Variants in ROBO1 observed in about 807,000 individuals in gnomAD.
The protein encoded by ROBO1 is roundabout guidance receptor 1.
ROBO1 carries 149 observed loss-of-function variants against 195.9 expected under a neutral mutation model. The observed-to-expected ratio is 0.76, with a 90% confidence interval of 0.67 to 0.87. The LOEUF (loss-of-function observed/expected upper bound fraction) is 0.87, where lower values mean the gene tolerates loss of function less well. ROBO1 is among the 40% of genes least tolerant of loss of function. The probability of loss-of-function intolerance (pLI) is 0.00; values close to 1 mark genes in which losing one functional copy is unlikely to be tolerated. For synonymous variants in ROBO1, 816 were observed against 733.2 expected, an observed-to-expected ratio of 1.11 and a Z score of -1.82; for missense variants, 1,933 against 2,068.3, an observed-to-expected ratio of 0.93 and a Z score of 1.27.
intron 3 of ROBO1, among the ~76,000 whole-genome samples, chr3:79,007,238 G>C (rs1429148282): frequency 2.0e-5 from 3 of 152,274 alleles, no homozygotes; most frequent in Non-Finnish European, 4.4e-5. Context: ...AGCTTTGGAG[G>C]ATAAAACCAA....
chr3:79,683,784 C>G (rs1214318900), intron 1 of ROBO1, among the ~76,000 whole-genome samples: 1 of 151,998 alleles, frequency 6.6e-6, no homozygotes, highest in East Asian at 1.9e-4. Context: ...GCCCTTCATT[C>G]CTTTTTTTTG....
rs1359268375 is a variant in ROBO1, at chr3:79,459,802, A to G, written c.88+130022T>C. The stretch of plus-strand genomic sequence containing the variant: ...AAAAGCATTTTCACAAGGTATTATT[A>G]TGAATAAAATAATAAAATAAGGTAC... On this transcript the variant is annotated intron_variant, in intron 2 of 30. Transcript: ENST00000464233. 8.5e-5 allele frequency among the ~76,000 whole-genome samples: 13 copies of G among 152,258 alleles called. No individual in the cohort carries two copies. In the South Asian group the frequency reaches 2.3e-3, roughly 27 times the overall value.
intron 2 of ROBO1, among the ~76,000 whole-genome samples, chr3:79,391,858 TA>T (rs1413200363): frequency 2.0e-5 from 3 of 152,268 alleles, no homozygotes; most frequent in South Asian, 4.1e-4. Context: ...GTTCTTATGA[TA>T]AGATGAAATC....
At chr3:79,749,831 C>A (rs988090024) in intron 1 of ROBO1, among the ~76,000 whole-genome samples, 1 of 152,210 alleles carries the variant, frequency 6.6e-6, no homozygotes, top group Non-Finnish European at 1.5e-5. Context: ...GGGGAAGGGA[C>A]CTCATGGAGA....
At chr3:79,467,928 C>A (rs1938057214) in intron 2 of ROBO1, among the ~76,000 whole-genome samples, 1 of 152,190 alleles carries the variant, frequency 6.6e-6, no homozygotes, top group South Asian at 2.1e-4. Context: ...ATGAGTCACA[C>A]CCCTGTGGCA....
chr3:79,530,755 C>CA lies in ROBO1; in HGVS notation c.88+59068_88+59069insT, dbSNP rs1553759578. On this transcript the variant is annotated intron_variant, in intron 2 of 30. Coordinates refer to ENST00000464233, the MANE Select transcript of ROBO1 (RefSeq NM_002941.4). ...TATTTAATTCACCCACACCTTGTAA[C>CA]CACACACACACACACACACACACAC... Among the ~76,000 whole-genome samples the CA allele has an allele frequency of 6.2e-5, 8 of 128,130 alleles. No homozygotes were observed. The East Asian group carries it at 9.6e-4, about 15-fold the overall frequency. The allele number at this position is 128,130 out of a possible 152,430, so 84.1% of individuals were successfully genotyped here. A position where few individuals can be genotyped will look rare whatever the true frequency, so the allele number is the denominator to read the frequency against.
chr3:79,057,372 C>T (rs2078831399), intron 3 of ROBO1, among the ~76,000 whole-genome samples: 1 of 151,936 alleles, frequency 6.6e-6, no homozygotes, highest in South Asian at 2.1e-4. Context: ...GTCTGGGTGC[C>T]CACTAGAGAC....
At chr3:79,034,056 T>C (rs777533205) in intron 3 of ROBO1, among the ~76,000 whole-genome samples, 1 of 152,156 alleles carries the variant, frequency 6.6e-6, no homozygotes, top group Non-Finnish European at 1.5e-5. Context: ...CTGATCTAGA[T>C]TGTATTCACA....
intron 4 of ROBO1, among the ~76,000 whole-genome samples, chr3:78,785,569 C>A (rs966923873): frequency 3.9e-5 from 6 of 152,148 alleles, no homozygotes; most frequent in Admixed American, 3.9e-4. Context: ...AGACAAATCT[C>A]CTTACAAATT....
intron 2 of ROBO1, among the ~76,000 whole-genome samples, chr3:79,534,770 A>G (rs2107621855): frequency 6.6e-6 from 1 of 152,224 alleles, no homozygotes; most frequent in Admixed American, 6.5e-5. Flanking sequence ...TTTAAAAATT[A>G]AGCCTCCTAG....
At chr3:79,009,993 T>C (rs1263381449) in intron 3 of ROBO1, among the ~76,000 whole-genome samples, 1 of 152,286 alleles carries the variant, frequency 6.6e-6, no homozygotes, top group Middle Eastern at 3.4e-3. Context: ...AACCATGTTA[T>C]GGGGCTGGAC....
chr3:79,389,965 C>T (rs1277691063), intron 2 of ROBO1, among the ~76,000 whole-genome samples: 1 of 151,896 alleles, frequency 6.6e-6, no homozygotes, highest in Non-Finnish European at 1.5e-5. Context: ...GTGGATGATA[C>T]TCAGAGCACA....
chr3:79,261,532 G>GT (rs1449722011), intron 2 of ROBO1, among the ~76,000 whole-genome samples: 1 of 151,944 alleles, frequency 6.6e-6, no homozygotes, highest in African/African-American at 2.4e-5. Flanking sequence ...AAATTAAATT[G>GT]TGAGTATAGA....
At chr3:79,692,830 A>G (rs1369527367) in intron 1 of ROBO1, among the ~76,000 whole-genome samples, 1 of 151,766 alleles carries the variant, frequency 6.6e-6, no homozygotes, top group African/African-American at 2.4e-5. Context: ...TGGGTTTACA[A>G]TTTTTTTCAG....
At chr3:79,297,025 GAA>G (rs950699868) in intron 2 of ROBO1, among the ~76,000 whole-genome samples, 2 of 152,092 alleles carry the variant, frequency 1.3e-5, no homozygotes, top group African/African-American at 4.8e-5. Flanking sequence ...ATAAAATCCC[GAA>G]GTCTAATTCT....
intron 4 of ROBO1, among the ~76,000 whole-genome samples, chr3:78,794,885 AT>A (rs35496169): frequency 1 from 151,844 of 152,324 alleles, 75,686 homozygotes; most frequent in Middle Eastern, 1. Flanking sequence ...CCTAGCCGCA[AT>A]TGACAGTCTT....
intron 3 of ROBO1, among the ~76,000 whole-genome samples, chr3:79,120,562 C>G (rs2080098434): frequency 6.6e-6 from 1 of 152,112 alleles, no homozygotes; most frequent in Middle Eastern, 3.4e-3. Flanking sequence ...GTAATTAGAT[C>G]TAAGAAACAG....
intron 4 of ROBO1, among the ~76,000 whole-genome samples, chr3:78,779,853 C>G (rs1161580904): frequency 1.3e-5 from 2 of 152,086 alleles, no homozygotes; most frequent in African/African-American, 4.8e-5. Flanking sequence ...TTGGAACCAA[C>G]CCAGATGCCC....
intron 2 of ROBO1, among the ~76,000 whole-genome samples, chr3:79,365,919 T>C (rs1225393172): frequency 6.7e-6 from 1 of 149,112 alleles, no homozygotes; most frequent in Non-Finnish European, 1.5e-5. Flanking sequence ...AAAAGAGTAC[T>C]ACTTTTCACT....
Sources: gnomAD v4.1 joint callset for allele counts (sites outside exome capture counted in the v4.1 genomes callset) on GRCh38, gnomAD v4.1.1 for gene constraint, MANE v1.5 for transcripts, NCBI Gene and HGNC (gene_info 2026-07-23, HGNC 2026-07-21) for gene names.